Variants in TRIM7 observed in about 807,000 individuals in gnomAD.
TRIM7 encodes the protein E3 ubiquitin-protein ligase TRIM7.
Under a neutral mutation model 37.9 loss-of-function variants are expected in TRIM7, and 32 were observed. The ratio of observed to expected loss-of-function variants is 0.84; its 90% CI spans 0.64 to 1.13. The LOEUF is 1.13. Among genes scored for constraint, TRIM7 ranks in the 50% most tolerant of loss-of-function variants. TRIM7 has a pLI of 0.00. For missense variants in TRIM7, 732 were observed against 714.0 expected (o/e 1.03, Z -0.29); for synonymous variants, 351 against 321.3 (o/e 1.09, Z -0.99).
intron 4 of TRIM7, 79 bp downstream of exon 4, chr5:181,199,016 G>A: frequency 6.3e-7 from 1 of 1,574,986 alleles, no homozygotes; most frequent in South Asian, 1.1e-5. Flanking sequence ...AGAGGTCAGG[G>A]GACAGGGAAT....
intron 2 of TRIM7, chr5:181,200,729 C>G (rs181129342): frequency 5.1e-6 from 5 of 988,004 alleles, no homozygotes; most frequent in Non-Finnish European, 6.0e-6. Flanking sequence ...ATTTTTTACT[C>G]GAGTTTTCAG....
At position 181,199,939 on chromosome 5, in the gene TRIM7, G is replaced by A. The variant is rs1561648293; in HGVS notation, c.761C>T (p.Ala254Val). 1.2e-6 allele frequency: 2 copies of A among 1,614,246 alleles called. No homozygotes were observed. The highest frequency in any genetic ancestry group is 1.1e-5 in the South Asian group (1 of 91,084). Residue 254 changes from alanine (A) to valine (V), a missense_variant, in exon 3 of 7, where the codon GCC becomes GTC. By Grantham distance (64) the Ala-to-Val change is moderately conservative (BLOSUM62 0). Transcript: ENST00000274773. ...EVAQKQNENL[A>V]QLGVEITQLS... ...CTGGGTGATCTCAACCCCGAGCTGG[G>A]CCAGGTTCTCATTCTGCTTCTGTGC...
intron 2 of TRIM7, chr5:181,200,661 G>A (rs1757427560): frequency 1.0e-6 from 1 of 998,452 alleles, no homozygotes; most frequent in African/African-American, 1.7e-5. Flanking sequence ...GGAACGAAGT[G>A]AGAATATGCG....
intron 2 of TRIM7, chr5:181,200,331 T>C: frequency 7.0e-7 from 1 of 1,427,376 alleles, no homozygotes; most frequent in Admixed American, 3.0e-5. Flanking sequence ...CTGTGCTCCA[T>C]CACCTAAACC....
intron 2 of TRIM7, among the ~76,000 whole-genome samples, chr5:181,201,510 G>T (rs1378375807): frequency 6.6e-6 from 1 of 152,178 alleles, no homozygotes; most frequent in East Asian, 1.9e-4. Flanking sequence ...GGAGGCTGAG[G>T]GGGGCAAAGT....
At position 181,203,908 on chromosome 5, in the gene TRIM7, GC is replaced by G. The variant is rs34548158; in HGVS notation, c.523-269del. The G allele has an allele frequency of 4.3e-3, 5,168 of 1,191,284 alleles. 180 individuals carry two copies. The African/African-American group carries it at 0.071, about 16-fold the overall frequency. 73.8% of individuals were successfully genotyped at this position (1,191,284 alleles called of 1,614,324 possible). On this transcript the variant is annotated intron_variant, in intron 1 of 6. Coordinates refer to ENST00000274773, the MANE Select transcript of TRIM7 (RefSeq NM_203293.3). The stretch of plus-strand genomic sequence containing the variant: ...CCCCTAGTCGTCTCCTCTACTCTCC[GC>G]CCCCCCACCAGGAAGCCCCGTGGCT...
intron 2 of TRIM7, among the ~76,000 whole-genome samples, chr5:181,201,826 A>G (rs406447): frequency 0.2 from 29,874 of 152,058 alleles, 3,110 homozygotes; most frequent in East Asian, 0.42. Context: ...AGGCCTGGGG[A>G]CTCCGGTCAG....
At chr5:181,202,862 C>T (rs1186794190) in intron 2 of TRIM7, 2 of 152,276 alleles carry the variant, frequency 1.3e-5, no homozygotes, top group Non-Finnish European at 2.9e-5. Flanking sequence ...CCCTGCCAGG[C>T]CTCATGTTTG....
rs202024254 is a variant in TRIM7, at chr5:181,200,171, C to T, written c.619-90G>A. The T allele has an allele frequency of 3.5e-5, 56 of 1,606,950 alleles. No individual in the cohort carries two copies. In the African/African-American group the frequency reaches 5.7e-4, roughly 16 times the overall value. On this transcript the variant is annotated intron_variant, in intron 2 of 6. Coordinates refer to ENST00000274773, the MANE Select transcript of TRIM7 (RefSeq NM_203293.3). ...TGAGTCATCCCACAGGGCAAGGCTT[C>T]GTCCCTGTCACTGCTGGAGGATCGG...
chr5:181,201,623 C>T (rs149590898), intron 2 of TRIM7, among the ~76,000 whole-genome samples: 3 of 151,972 alleles, frequency 2.0e-5, no homozygotes, highest in Admixed American at 6.6e-5. Flanking sequence ...AAAAATTAGC[C>T]GGGTGTAGTA....
At chr5:181,200,947 A>G (rs1757447355) in intron 2 of TRIM7, 2 of 985,076 alleles carry the variant, frequency 2.0e-6, no homozygotes, top group Non-Finnish European at 2.4e-6. Context: ...GGAGCGCCTT[A>G]TGGATATTAA....
Position 181,204,625 on chromosome 5 carries a change from G to C in TRIM7, c.486C>G (p.Ala162=), listed in dbSNP as rs368020786. Residue 162 remains alanine (A), a synonymous_variant, in exon 1 of 7, where the codon GCC becomes GCG. Transcript: ENST00000274773. Reference sequence around the variant, plus strand: ...GCACCGCCTCGTCCAGCGGCAGCACGGCGTGCTCGCGGTGCTCGCGGGCGC... The same window carrying C: ...GCACCGCCTCGTCCAGCGGCAGCACCGCGTGCTCGCGGTGCTCGCGGGCGC... The part of the protein sequence containing the change: ...CDRAREHREH[A]VLPLDEAVQE... 1.4e-6 allele frequency: 2 copies of C among 1,472,010 alleles called. No homozygotes were observed. The highest frequency in any genetic ancestry group is 2.4e-5 in the Admixed American group (1 of 40,942). The allele number at this position is 1,472,010 out of a possible 1,614,324, so 91.2% of individuals were successfully genotyped here.
intron 2 of TRIM7, 130 bp downstream of exon 2, chr5:181,203,415 T>C: frequency 6.6e-7 from 1 of 1,517,932 alleles, no homozygotes; most frequent in Non-Finnish European, 8.8e-7. Flanking sequence ...TAATATGGAC[T>C]CTATTATCTT....
chr5:181,199,261 G>T lies in TRIM7; in HGVS notation c.850-144C>A, dbSNP rs559328606. ...CTCACTGCCTGCGTGGGCCTCAGGG[G>T]CAGCAGCTTCCAGTGGCTGCTGGCT... On this transcript the variant is annotated intron_variant, in intron 3 of 6. Coordinates refer to ENST00000274773, the MANE Select transcript of TRIM7 (RefSeq NM_203293.3). 3 of 893,936 alleles carry T rather than the reference G, an allele frequency of 3.4e-6. No individual in the cohort carries two copies. The Admixed American group carries it at 6.1e-5, about 18-fold the overall frequency. The allele number at this position is 893,936 out of a possible 1,614,324, so 55.4% of individuals were successfully genotyped here. A position where few individuals can be genotyped will look rare whatever the true frequency, so the allele number is the denominator to read the frequency against.
At position 181,195,622 on chromosome 5, in the gene TRIM7, A is replaced by T. The variant is rs1271757829; in HGVS notation, c.1080T>A (p.Asp360Glu). 1 of 1,559,288 alleles carries T rather than the reference A, an allele frequency of 6.4e-7. No individual in the cohort carries two copies. The highest frequency in any genetic ancestry group is 8.7e-7 in the Non-Finnish European group (1 of 1,148,872). Reference sequence around the variant, plus strand: ...GCTCGCCGAGGCGCACGCCCTTAAGATCCAGAGAGAGGATGAGGCGCGGGT... The same window carrying T: ...GCTCGCCGAGGCGCACGCCCTTAAGTTCCAGAGAGAGGATGAGGCGCGGGT... ...TANPRLILSLDLKGVRLGERA... is the reference protein window; with the variant it reads ...TANPRLILSLELKGVRLGERA... The change falls in exon 7 of 7, where the codon GAT (aspartate) becomes GAA (glutamate). Residue 360 changes from aspartate to glutamate, a missense_variant. Asp to Glu is a conservative substitution (Grantham distance 45, BLOSUM62 2). Transcript: ENST00000274773.
chr5:181,198,385 G>A (rs1757267703), intron 5 of TRIM7, 167 bp from the exon 6 acceptor site: 2 of 738,010 alleles, frequency 2.7e-6, no homozygotes, highest in African/African-American at 1.7e-5. Flanking sequence ...GGGGCAGGGG[G>A]CCCATACCCA....
At chr5:181,200,406 G>T (rs1301151537) in intron 2 of TRIM7, 2 of 1,352,078 alleles carry the variant, frequency 1.5e-6, no homozygotes, top group Non-Finnish European at 1.9e-6. Flanking sequence ...AAAAGCAGAA[G>T]GGATAAATTA....
rs1264589368 is a variant in TRIM7, at chr5:181,204,802, C to G, written c.309G>C (p.Leu103=). 4 of 1,411,460 alleles carry G rather than the reference C, an allele frequency of 2.8e-6. No homozygotes were observed. The highest frequency in any genetic ancestry group is 2.7e-6 in the Non-Finnish European group (3 of 1,091,016). The allele number at this position is 1,411,460 out of a possible 1,614,324, so 87.4% of individuals were successfully genotyped here. A position where few individuals can be genotyped will look rare whatever the true frequency, so the allele number is the denominator to read the frequency against. ...CAGCCGCGGGCAGGCTGAAGCGCCG[C>G]AGGAGCGTGGCCACTGCCGCCAGCT... ...NRQLAAVATL[L]RRFSLPAAAP... Residue 103 remains leucine (L), a synonymous_variant, in exon 1 of 7, where the codon CTG becomes CTC. Transcript: ENST00000274773.
chr5:181,200,552 T>C (rs1326554816), intron 2 of TRIM7: 1 of 1,022,526 alleles, frequency 9.8e-7, no homozygotes, highest in Non-Finnish European at 1.2e-6. Flanking sequence ...GTTATAATGC[T>C]AACACATGCT....
Sources: allele counts gnomAD v4.1 joint callset (sites outside exome capture counted in the v4.1 genomes callset), GRCh38; gene constraint gnomAD v4.1.1; transcripts MANE v1.5; gene names NCBI Gene and HGNC (gene_info 2026-07-23, HGNC 2026-07-21).